The following PTPRN2 variants were observed in gnomAD, a reference collection of about 807,000 sequenced individuals.
PTPRN2 encodes receptor-type tyrosine-protein phosphatase N2.
In PTPRN2, 74 loss-of-function variants were observed where a neutral mutation model predicts 118.8. The observed-to-expected ratio is 0.62, with a 90% CI of 0.52 to 0.76. The LOEUF is 0.76. PTPRN2 is among the 30% of genes least tolerant of loss of function. The pLI, the probability that PTPRN2 is intolerant of heterozygous loss-of-function variation, is 0.00. For synonymous variants in PTPRN2, 641 were observed against 608.0 expected (o/e 1.05, Z -0.80); for missense variants, 1,481 against 1,394.4 (o/e 1.06, Z -0.99).
chr7:158,215,839 G>A lies in PTPRN2; in HGVS notation c.278-10566C>T, dbSNP rs138792920. ...ATATCCCCAGAAAAAGGAAAATTGT[G>A]TTTTTCACCAGACCAACTCTGAAAG... On this transcript the variant is annotated intron_variant, in intron 3 of 22. Coordinates refer to ENST00000389418, the MANE Select transcript of PTPRN2 (RefSeq NM_002847.5). Among the ~76,000 whole-genome samples the A allele has an allele frequency of 5.3e-5, 8 of 152,248 alleles. No individual in the cohort carries two copies. The East Asian group carries it at 1.5e-3, about 29-fold the overall frequency.
chr7:158,068,932 G>A (rs1421024559), intron 11 of PTPRN2, among the ~76,000 whole-genome samples: 6 of 152,178 alleles, frequency 3.9e-5, no homozygotes, highest in Non-Finnish European at 8.8e-5. Context: ...TTTAATCAGT[G>A]CTAAAATATC....
At chr7:158,347,602 A>G (rs915853919) in intron 2 of PTPRN2, among the ~76,000 whole-genome samples, 2 of 152,214 alleles carry the variant, frequency 1.3e-5, no homozygotes, top group African/African-American at 4.8e-5. Flanking sequence ...ATGTGGTTCC[A>G]TATGAATTTT....
intron 1 of PTPRN2, among the ~76,000 whole-genome samples, chr7:158,530,333 T>A (rs577806441): frequency 1.4e-4 from 21 of 152,282 alleles, no homozygotes; most frequent in Non-Finnish European, 2.1e-4. Flanking sequence ...TGCTGGTACA[T>A]GAGGAAAACA....
In PTPRN2 at chr7:157,791,572, GC is replaced by G. The variant is rs1340024060; in HGVS notation, c.1788+107100del. On this transcript the variant is annotated intron_variant, in intron 12 of 22. Transcript: ENST00000389418. Reference sequence around the variant, plus strand: ...CCACCTGCCCCCCCTCCCTGCACCCGCCCCCCCTCCCTGCACCCACCTGCCC... The same window carrying G: ...CCACCTGCCCCCCCTCCCTGCACCCGCCCCCCTCCCTGCACCCACCTGCCC... 4.8e-3 allele frequency among the ~76,000 whole-genome samples: 389 copies of G among 81,578 alleles called. 1 individual carries two copies. The highest frequency in any genetic ancestry group is 8.2e-3 in the Non-Finnish European group (323 of 39,182). 53.5% of individuals were successfully genotyped at this position (81,578 alleles called of 152,430 possible).
intron 5 of PTPRN2, among the ~76,000 whole-genome samples, chr7:158,178,208 A>T (rs1189754804): frequency 6.6e-6 from 1 of 152,162 alleles, no homozygotes; most frequent in Non-Finnish European, 1.5e-5. Context: ...CCCATTTTTT[A>T]AATTTCAAAA....
chr7:157,899,582 T>C (rs1797322802), intron 11 of PTPRN2, among the ~76,000 whole-genome samples: 1 of 152,202 alleles, frequency 6.6e-6, no homozygotes, highest in South Asian at 2.1e-4. Context: ...CAATTGTGAT[T>C]AATACAGGAT....
In PTPRN2 at chr7:157,779,108, C is replaced by T. The variant is rs889380704; in HGVS notation, c.1789-96171G>A. ...GGGTCTTGGGACCCTCAAGCAAATG[C>T]CACCTAGAAGCAAAACCTGACTTAG... On this transcript the variant is annotated intron_variant, in intron 12 of 22. Coordinates refer to ENST00000389418, the MANE Select transcript of PTPRN2 (RefSeq NM_002847.5). This position sits in a 1 kb window ranked among gnomAD's most constrained non-coding sequence, Gnocchi z 4.7. Among the ~76,000 whole-genome samples, 6 of 152,152 alleles carry T rather than the reference C, an allele frequency of 3.9e-5. No homozygotes were observed. The highest frequency in any genetic ancestry group is 1.4e-4 in the African/African-American group (6 of 41,434).
Position 157,872,904 on chromosome 7 carries a change from G to A in PTPRN2, c.1788+25769C>T, listed in dbSNP as rs117691291. Reference sequence around the variant, plus strand: ...TCCCCTTCAAGGGCCACCCATGTCCGCAGGCCACCTCCCCTTGCTGGGAGC... The same window carrying A: ...TCCCCTTCAAGGGCCACCCATGTCCACAGGCCACCTCCCCTTGCTGGGAGC... On this transcript the variant is annotated intron_variant, in intron 12 of 22. Transcript: ENST00000389418. Among the ~76,000 whole-genome samples, 73 of 152,318 alleles carry A rather than the reference G, an allele frequency of 4.8e-4. No individual in the cohort carries two copies. The East Asian group carries it at 0.014, about 28-fold the overall frequency.
rs988322741 is a variant in PTPRN2 at position 158,347,796 on chromosome 7, T to G, written c.164-30864A>C. On this transcript the variant is annotated intron_variant, in intron 2 of 22. Transcript: ENST00000389418. Reference sequence around the variant, plus strand: ...CATTTCTTTCACCATCTCATAGTTTTCAGTGTACAGGTCTCACCGTCTGGG... The same window carrying G: ...CATTTCTTTCACCATCTCATAGTTTGCAGTGTACAGGTCTCACCGTCTGGG... Among the ~76,000 whole-genome samples, 2 of 152,262 alleles carry G rather than the reference T, an allele frequency of 1.3e-5. 1 individual carries two copies. Among genetic ancestry groups the G allele is most frequent in the South Asian group, 4.1e-4 (2 of 4,834 alleles).
chr7:157,782,860 G>A (rs7777439), intron 12 of PTPRN2, among the ~76,000 whole-genome samples: 1 of 152,224 alleles, frequency 6.6e-6, no homozygotes, highest in Non-Finnish European at 1.5e-5. Flanking sequence ...TGTGCTGGCT[G>A]CTTGACTCGG....
At chr7:158,374,808 C>T (rs1810377192) in intron 2 of PTPRN2, among the ~76,000 whole-genome samples, 1 of 152,186 alleles carries the variant, frequency 6.6e-6, no homozygotes, top group Admixed American at 6.5e-5. Flanking sequence ...GATGTGGTTT[C>T]ATGGGAACTT....
intron 6 of PTPRN2, among the ~76,000 whole-genome samples, chr7:158,143,762 G>A (rs1304458768): frequency 6.6e-6 from 1 of 152,170 alleles, no homozygotes; most frequent in Non-Finnish European, 1.5e-5. Context: ...GGGCCTCCAA[G>A]TGTGGTAGAA....
rs112304778 is a variant in PTPRN2 at position 158,068,182 on chromosome 7, G to A, written c.1723+13116C>T. 3.1e-3 allele frequency among the ~76,000 whole-genome samples: 473 copies of A among 152,310 alleles called. 4 individuals carry two copies. Among genetic ancestry groups the A allele is most frequent in the African/African-American group, 9.6e-3 (399 of 41,562 alleles). ...CTGACTGAGCAGAGCAGGCCAGAGC[G>A]TGGGGACTTCATCCCTCAGTGTCCC... On this transcript the variant is annotated intron_variant, in intron 11 of 22. Coordinates refer to ENST00000389418, the MANE Select transcript of PTPRN2 (RefSeq NM_002847.5).
intron 16 of PTPRN2, among the ~76,000 whole-genome samples, chr7:157,600,487 C>T (rs1201187297): frequency 6.6e-6 from 1 of 152,174 alleles, no homozygotes; most frequent in East Asian, 1.9e-4. Context: ...GTGGCATGAT[C>T]TCGGCTCACT....
chr7:158,204,482 T>C (rs1826963842), intron 4 of PTPRN2, among the ~76,000 whole-genome samples: 1 of 152,250 alleles, frequency 6.6e-6, no homozygotes, highest in South Asian at 2.1e-4. Context: ...GAATTGTCTG[T>C]CAGGGAAAAA....
At chr7:157,876,123 G>T (rs1584931217) in intron 12 of PTPRN2, among the ~76,000 whole-genome samples, 1 of 152,334 alleles carries the variant, frequency 6.6e-6, no homozygotes, top group East Asian at 1.9e-4. Flanking sequence ...TGCAAACAAT[G>T]CAGTCCACGC....
intron 1 of PTPRN2, among the ~76,000 whole-genome samples, chr7:158,493,842 C>A (rs1038391553): frequency 4.6e-5 from 7 of 151,730 alleles, no homozygotes; most frequent in African/African-American, 1.5e-4. Context: ...TACACACATG[C>A]ACACACTCAT....
At position 157,931,155 on chromosome 7, in the gene PTPRN2, G is replaced by A. The variant is rs151209582; in HGVS notation, c.1724-32418C>T. On this transcript the variant is annotated intron_variant, in intron 11 of 22. Transcript: ENST00000389418. ...TGGCATTGTGCAGAAGGGCACCCAC[G>A]CACGGATAGGGTGGCTGGCATCTCC... is the stretch of plus-strand genomic sequence containing the variant. 6.4e-4 allele frequency among the ~76,000 whole-genome samples: 97 copies of A among 152,282 alleles called. 1 individual carries two copies. In the East Asian group the frequency reaches 0.012, roughly 19 times the overall value.
intron 10 of PTPRN2, among the ~76,000 whole-genome samples, chr7:158,096,876 G>T (rs1814669703): frequency 6.6e-6 from 1 of 152,198 alleles, no homozygotes; most frequent in Non-Finnish European, 1.5e-5. Context: ...CTCCCCTGGG[G>T]CTCCTGGGAG....
Sources: allele counts gnomAD v4.1 joint callset (sites outside exome capture counted in the v4.1 genomes callset), GRCh38; gene constraint gnomAD v4.1.1; non-coding constraint Gnocchi (gnomAD v3.1); transcripts MANE v1.5; gene names NCBI Gene and HGNC (gene_info 2026-07-23, HGNC 2026-07-21).